The following MTOR variants were observed in gnomAD, a reference collection of about 807,000 sequenced individuals.
MTOR encodes the protein mechanistic target of rapamycin kinase.
In MTOR, 70 loss-of-function variants were observed where a neutral mutation model predicts 319.8. The observed-to-expected ratio is 0.22, with a 90% CI of 0.18 to 0.27. MTOR has a LOEUF of 0.27. Among genes scored for constraint, MTOR ranks in the 10% least tolerant of loss-of-function variants. The probability of loss-of-function intolerance (pLI) is 1.00; values close to 1 mark genes in which losing one functional copy is unlikely to be tolerated. For missense variants in MTOR, 1,890 were observed against 3,274.4 expected, an observed-to-expected ratio of 0.58 and a Z score of 10.32; for synonymous variants, 1,183 against 1,211.4, an observed-to-expected ratio of 0.98 and a Z score of 0.49.
intron 28 of MTOR, among the ~76,000 whole-genome samples, chr1:11,173,244 T>C (rs772427107): frequency 6.6e-6 from 1 of 152,110 alleles, no homozygotes; most frequent in Non-Finnish European, 1.5e-5. Flanking sequence ...TCTGTCCGCC[T>C]CGGTCTCCCA....
At chr1:11,206,946 T>C (rs2300090) in intron 25 of MTOR, among the ~76,000 whole-genome samples, 9,027 of 152,330 alleles carry the variant, frequency 0.059, 381 homozygotes, top group South Asian at 0.12. Context: ...CACATAAATC[T>C]AATATTATCA....
intron 19 of MTOR, among the ~76,000 whole-genome samples, chr1:11,222,477 G>A (rs527744219): frequency 3.3e-5 from 5 of 152,258 alleles, no homozygotes; most frequent in South Asian, 4.1e-4. Flanking sequence ...GATTACAGGC[G>A]TGGGCCACTG....
At position 11,150,941 on chromosome 1, in the gene MTOR, C is replaced by T. The variant is rs530645267; in HGVS notation, c.4470-715G>A. 1.1e-4 allele frequency among the ~76,000 whole-genome samples: 16 copies of T among 152,266 alleles called. No homozygotes were observed. The East Asian group carries it at 1.7e-3, about 17-fold the overall frequency. ...AATAAACTCGGCTATTATGCAAATCCGAGTCCCTGATTTCATGTGAGCTTC... is the reference window on the plus strand; with the variant it reads ...AATAAACTCGGCTATTATGCAAATCTGAGTCCCTGATTTCATGTGAGCTTC... On this transcript the variant is annotated intron_variant, in intron 30 of 57. Transcript: ENST00000361445.
chr1:11,129,599 C>T lies in MTOR; in HGVS notation c.5714+139G>A. ...CCAGTCAGCTGTTACTCCTTAAATGCAGTGCAGAAAAAAGGCACATACATC... is the reference window on the plus strand; with the variant it reads ...CCAGTCAGCTGTTACTCCTTAAATGTAGTGCAGAAAAAAGGCACATACATC... On this transcript the variant is annotated intron_variant, in intron 40 of 57. Coordinates refer to ENST00000361445, the MANE Select transcript of MTOR (RefSeq NM_004958.4). The surrounding 1 kb of genome is among the most constrained non-coding windows in gnomAD (Gnocchi z 4.7). The T allele has an allele frequency of 1.4e-6, 1 of 698,532 alleles. No homozygotes were observed. Among genetic ancestry groups the T allele is most frequent in the Admixed American group, 2.4e-5 (1 of 42,028 alleles). The allele number at this position is 698,532 out of a possible 1,614,324, so 43.3% of individuals were successfully genotyped here. A position where few individuals can be genotyped will look rare whatever the true frequency, so the allele number is the denominator to read the frequency against.
chr1:11,202,795 C>T (rs1646019787), intron 26 of MTOR, among the ~76,000 whole-genome samples: 1 of 152,122 alleles, frequency 6.6e-6, no homozygotes, highest in Admixed American at 6.6e-5. Flanking sequence ...GCAGTCCCAG[C>T]TACTCAGGAG....
intron 28 of MTOR, among the ~76,000 whole-genome samples, chr1:11,172,609 G>A (rs1452800955): frequency 1.4e-5 from 2 of 146,608 alleles, no homozygotes; most frequent in African/African-American, 2.5e-5. Flanking sequence ...GGTGGCTCAC[G>A]CCTATAACCC....
At chr1:11,130,858 G>A (rs2100434965) in intron 38 of MTOR, 81 bp from the exon 39 acceptor site, 1 of 1,487,742 alleles carries the variant, frequency 6.7e-7, no homozygotes, top group African/African-American at 1.4e-5. Flanking sequence ...TCGATGCTGA[G>A]GAACAGCTGC....
At position 11,212,487 on chromosome 1, in the gene MTOR, C is replaced by G. The variant is rs1468328064; in HGVS notation, c.3399-13G>C. On this transcript the variant is annotated splice_polypyrimidine_tract_variant and intron_variant, in intron 22 of 57. Transcript: ENST00000361445. This position sits in a 1 kb window ranked among gnomAD's most constrained non-coding sequence, Gnocchi z 4.1. ...CTCTAGCGCTGCCCTACAACAATCA[C>G]TAACATACAGTAACTGCTAACATAC... is the stretch of plus-strand genomic sequence containing the variant. The G allele has an allele frequency of 1.8e-5, 29 of 1,609,290 alleles. No homozygotes were observed. Among genetic ancestry groups the G allele is most frequent in the African/African-American group, 2.7e-5 (2 of 74,716 alleles).
At position 11,130,686 on chromosome 1, in the gene MTOR, T is replaced by G. The variant is rs1643103278; in HGVS notation, c.5456A>C (p.His1819Pro). ...GTTGGTGATGTTGGCCCCGCTGGCA[T>G]GACGCAGTTTCTTCTTCTCATCGCG... ...QARDEKKKLR[H>P]ASGANITNAT... Residue 1819 changes from histidine to proline, a missense_variant, in exon 39 of 58, where the codon CAT becomes CCT. By Grantham distance (77) the His-to-Pro change is moderately conservative. Transcript: ENST00000361445. The G allele has an allele frequency of 6.2e-7, 1 of 1,610,358 alleles. No individual in the cohort carries two copies. Among genetic ancestry groups the G allele is most frequent in the Non-Finnish European group, 8.5e-7 (1 of 1,178,590 alleles).
At chr1:11,149,691 C>A (rs1378373948) in intron 31 of MTOR, among the ~76,000 whole-genome samples, 1 of 151,978 alleles carries the variant, frequency 6.6e-6, no homozygotes, top group Non-Finnish European at 1.5e-5. Context: ...TGAAGTGGGG[C>A]GATATTTTGG....
Position 11,243,119 on chromosome 1 carries a change from G to A in MTOR, c.1407C>T (p.Ala469=). Residue 469 remains alanine, a synonymous_variant, in exon 9 of 58, where the codon GCC becomes GCT. Coordinates refer to ENST00000361445, the MANE Select transcript of MTOR (RefSeq NM_004958.4). The stretch of plus-strand genomic sequence containing the variant: ...ATCATAACAGAGGTGCTTACTTATG[G>A]GCGAAGTCCTTTGGGGGCAGGGCCG... The part of the protein sequence containing the change: ...IRAALPPKDF[A]HKRQKAMQVD... The A allele has an allele frequency of 6.2e-7, 1 of 1,614,076 alleles. No individual in the cohort carries two copies. Among genetic ancestry groups the A allele is most frequent in the Non-Finnish European group, 8.5e-7 (1 of 1,180,030 alleles).
At chr1:11,159,101 AC>A (rs1453281173) in intron 29 of MTOR, among the ~76,000 whole-genome samples, 1 of 152,174 alleles carries the variant, frequency 6.6e-6, no homozygotes, top group African/African-American at 2.4e-5. Flanking sequence ...TGGGGTATAA[AC>A]CATCTGCTGG....
intron 28 of MTOR, among the ~76,000 whole-genome samples, chr1:11,183,498 C>T (rs1175441173): frequency 6.6e-6 from 1 of 152,092 alleles, no homozygotes; most frequent in East Asian, 1.9e-4. Context: ...GTTCTTTATA[C>T]ACTCTGGGTA....
At chr1:11,145,501 C>A (rs1396582645) in intron 32 of MTOR, among the ~76,000 whole-genome samples, 1 of 152,100 alleles carries the variant, frequency 6.6e-6, no homozygotes, top group Non-Finnish European at 1.5e-5. Context: ...CTCAGCCTCC[C>A]AAGTAGCTGG....
In MTOR at chr1:11,199,470, G is replaced by A. The variant is rs1645892535; in HGVS notation, c.4108-67C>T. ...TGGGGCACAAACAAGAGAAGGCTGT[G>A]TGGATGCTTCTCTCCTCCCACCAGC... On this transcript the variant is annotated intron_variant, in intron 27 of 57. Transcript: ENST00000361445. This position sits in a 1 kb window ranked among gnomAD's most constrained non-coding sequence, Gnocchi z 4.5. The A allele has an allele frequency of 1.5e-5, 25 of 1,613,406 alleles. No individual in the cohort carries two copies. The highest frequency in any genetic ancestry group is 2.2e-5 in the South Asian group (2 of 91,072).
chr1:11,227,285 G>A (rs1438514202), intron 19 of MTOR, among the ~76,000 whole-genome samples: 9 of 88,060 alleles, frequency 1.0e-4, no homozygotes, highest in Admixed American at 8.8e-4. Context: ...GCAACAAAGT[G>A]AGACTTTGTC....
intron 1 of MTOR, 87 bp from the exon 2 acceptor site, chr1:11,259,510 C>T: frequency 7.2e-7 from 1 of 1,392,266 alleles, no homozygotes; most frequent in Non-Finnish European, 9.6e-7. Context: ...ACACAGATCT[C>T]CCCCTAGCCC....
chr1:11,143,086 A>T (rs939231966), intron 34 of MTOR, among the ~76,000 whole-genome samples: 2 of 152,224 alleles, frequency 1.3e-5, no homozygotes, highest in African/African-American at 2.4e-5. Context: ...GAAGTGTGAC[A>T]ACAATGATTT....
chr1:11,157,328 C>A, intron 29 of MTOR, 37 bp from the exon 30 acceptor site: 2 of 1,601,398 alleles, frequency 1.2e-6, no homozygotes, highest in South Asian at 1.1e-5. Context: ...GTGAGGTACA[C>A]AGAAGAAGGG....
Sources: gnomAD v4.1 joint callset for allele counts (sites outside exome capture counted in the v4.1 genomes callset) on GRCh38, gnomAD v4.1.1 for gene constraint, Gnocchi (gnomAD v3.1) non-coding constraint, MANE v1.5 for transcripts, NCBI Gene and HGNC (gene_info 2026-07-23, HGNC 2026-07-21) for gene names.